The following MADD variants were observed in gnomAD, a reference collection of about 807,000 sequenced individuals.
MADD encodes MAP kinase activating death domain, also known as MAP kinase-activating death domain protein.
In MADD, 109 loss-of-function variants were observed where a neutral mutation model predicts 176.7. The ratio of observed to expected loss-of-function variants is 0.62; its 90% CI spans 0.53 to 0.72. The LOEUF (loss-of-function observed/expected upper bound fraction) is 0.72. Ranked by LOEUF, MADD falls within the 30% of genes least tolerant of loss-of-function variation. The pLI, the probability that MADD is intolerant of heterozygous loss-of-function variation, is 0.00. For missense variants in MADD, 1,914 were observed against 2,045.5 expected (o/e 0.94, Z 1.24); for synonymous variants, 771 against 771.3 (o/e 1.00, Z 0.01).
chr11:47,308,324 A>G (rs1228302378), intron 22 of MADD, among the ~76,000 whole-genome samples: 1 of 152,254 alleles, frequency 6.6e-6, no homozygotes. Flanking sequence ...CAGAGAATTA[A>G]TCTGATTGTT....
intron 22 of MADD, among the ~76,000 whole-genome samples, chr11:47,305,557 C>T (rs1298173049): frequency 1.3e-5 from 2 of 152,080 alleles, no homozygotes; most frequent in Non-Finnish European, 2.9e-5. Context: ...CAGCTCAGGT[C>T]CCACGGAATG....
At chr11:47,285,639 C>T (rs762093470) in intron 14 of MADD, 49 bp downstream of exon 14, 1 of 1,609,348 alleles carries the variant, frequency 6.2e-7, no homozygotes. Context: ...ATTTTCTCTA[C>T]AGCAGAGCCT....
At chr11:47,281,665 C>A (rs1247262644) in exon 8 of MADD, 1 of 1,613,516 alleles carries the variant, frequency 6.2e-7, no homozygotes, top group South Asian at 1.1e-5. Flanking sequence ...CTTGGGAAGG[C>A]CTTCTAATGA....
chr11:47,305,840 GCT>G (rs1431401119), intron 22 of MADD, among the ~76,000 whole-genome samples: 2 of 152,156 alleles, frequency 1.3e-5, no homozygotes, highest in African/African-American at 4.8e-5. Flanking sequence ...CTCAGCCACT[GCT>G]CTGTTTCCTG....
In MADD at chr11:47,284,971, A is replaced by G. The variant is rs546594599; in HGVS notation, c.2188A>G (p.Lys730Glu). The G allele has an allele frequency of 4.3e-6, 7 of 1,613,910 alleles. No homozygotes were observed. The African/African-American group carries it at 8.0e-5, about 18-fold the overall frequency. ...TGCTGACTCTACGGAGATGGATGAT[A>G]AGGCAGCAGTAGGCGTCTCCAAGCC... The change falls in exon 13 of 33, where the codon AAG (lysine) becomes GAG (glutamate). Residue 730 changes from lysine (K) to glutamate (E), a missense_variant. Around this residue, in one of 2 missense-constraint regions of MADD, gnomAD observed 1,767 missense variants for 1,836.0 expected, o/e 0.96. Transcript: ENST00000402192.
At chr11:47,273,582 C>T (rs934302803) in intron 1 of MADD, among the ~76,000 whole-genome samples, 3 of 152,176 alleles carry the variant, frequency 2.0e-5, no homozygotes, top group East Asian at 1.9e-4. Flanking sequence ...TCAGGTGATC[C>T]GCCTCGGCCT....
chr11:47,284,614 C>T, intron 12 of MADD, 49 bp downstream of exon 12: 1 of 1,584,282 alleles, frequency 6.3e-7, no homozygotes, highest in Non-Finnish European at 8.6e-7. Flanking sequence ...GGGATGTGGG[C>T]CTCATCTATT....
At chr11:47,279,836 G>T (rs2054660061) in intron 7 of MADD, among the ~76,000 whole-genome samples, 2 of 151,886 alleles carry the variant, frequency 1.3e-5, no homozygotes, top group South Asian at 4.1e-4. Flanking sequence ...ACTTTGGGAG[G>T]CCGAGGCAGG....
rs572830193 is a variant in MADD, at chr11:47,329,015, A to G, written c.4660-31A>G. 6 of 1,531,558 alleles carry G rather than the reference A, an allele frequency of 3.9e-6. No homozygotes were observed. In the African/African-American group the frequency reaches 6.8e-5, roughly 17 times the overall value. The allele number at this position is 1,531,558 out of a possible 1,614,324, so 94.9% of individuals were successfully genotyped here. On this transcript the variant is annotated intron_variant, in intron 32 of 32. Coordinates refer to ENST00000402192, the Ensembl canonical transcript of MADD. The stretch of plus-strand genomic sequence containing the variant: ...CATATGGAGATGGAGGAGTCTCAGT[A>G]TCGTGATCCGCCTGGTTTTCTCTCC...
intron 22 of MADD, among the ~76,000 whole-genome samples, chr11:47,300,200 T>C (rs1032552320): frequency 1.3e-5 from 2 of 150,764 alleles, no homozygotes; most frequent in African/African-American, 2.5e-5. Context: ...CTTTTCTTTT[T>C]TCTTTCTTTT....
intron 26 of MADD, among the ~76,000 whole-genome samples, chr11:47,313,951 G>T (rs977645249): frequency 6.6e-6 from 1 of 151,764 alleles, no homozygotes; most frequent in Non-Finnish European, 1.5e-5. Flanking sequence ...GTAGAGATGG[G>T]GTTTCACCAC....
chr11:47,295,331 A>G (rs947010310), intron 20 of MADD, among the ~76,000 whole-genome samples, 165 bp from the exon 23 acceptor site: 2 of 151,994 alleles, frequency 1.3e-5, no homozygotes, highest in African/African-American at 4.8e-5. Flanking sequence ...TTTTTATTAC[A>G]TAAGTTGTAC....
rs1176082411 is a variant in MADD, at chr11:47,270,419, TG to T, written c.-89+178del. Among the ~76,000 whole-genome samples the T allele has an allele frequency of 4.2e-5, 4 of 94,756 alleles. No individual in the cohort carries two copies. In the Admixed American group the frequency reaches 4.7e-4, roughly 11 times the overall value. The allele number at this position is 94,756 out of a possible 152,430, so 62.2% of individuals were successfully genotyped here. A position where few individuals can be genotyped will look rare whatever the true frequency, so the allele number is the denominator to read the frequency against. On this transcript the variant is annotated intron_variant, in intron 1 of 32. Transcript: ENST00000402192. The stretch of plus-strand genomic sequence containing the variant: ...TGCCGAGGAGGGGCGGGGACGGGGA[TG>T]GGGGCGCCCCGGGCAGAGGAGGGGG...
At chr11:47,272,702 A>T (rs1405940091) in intron 1 of MADD, among the ~76,000 whole-genome samples, 2 of 152,250 alleles carry the variant, frequency 1.3e-5, no homozygotes, top group East Asian at 3.8e-4. Flanking sequence ...AATTAAGACC[A>T]TGAAAGCTTT....
At chr11:47,281,993 C>A (rs949113872) in intron 8 of MADD, among the ~76,000 whole-genome samples, 1 of 151,794 alleles carries the variant, frequency 6.6e-6, no homozygotes, top group African/African-American at 2.4e-5. Flanking sequence ...TGCCACCACG[C>A]CTGGCTAATT....
At chr11:47,316,827 TCTGCCC>T (rs2093200291) in intron 27 of MADD, among the ~76,000 whole-genome samples, 1 of 152,022 alleles carries the variant, frequency 6.6e-6, no homozygotes, top group Non-Finnish European at 1.5e-5. Flanking sequence ...CACTGCAACC[TCTGCCC>T]CTTGGGTTCA....
chr11:47,321,278 A>C (rs1466630246), intron 27 of MADD, among the ~76,000 whole-genome samples: 1 of 152,204 alleles, frequency 6.6e-6, no homozygotes, highest in East Asian at 1.9e-4. Context: ...CCCTGGAGAT[A>C]ACCACAGAGT....
intron 12 of MADD, 140 bp downstream of exon 12, chr11:47,284,705 G>C (rs528197203): frequency 1.6e-6 from 2 of 1,264,814 alleles, no homozygotes; most frequent in South Asian, 3.0e-5. Context: ...CTAGAGCTTA[G>C]AGCCTAAGAG....
intron 1 of MADD, chr11:47,270,664 G>T (rs528539850): frequency 6.6e-6 from 1 of 152,106 alleles, no homozygotes; most frequent in Non-Finnish European, 1.5e-5. Flanking sequence ...TGGTTCTCAA[G>T]AAATTTTTTT....
Sources: gnomAD v4.1 joint callset for allele counts (sites outside exome capture counted in the v4.1 genomes callset) on GRCh38, gnomAD v4.1.1 for gene constraint, gnomAD v4.1.1 regional missense constraint, MANE v1.5 for transcripts, NCBI Gene and HGNC (gene_info 2026-07-23, HGNC 2026-07-21) for gene names.